SMAD1: variants seen among roughly 807,000 people sequenced by gnomAD.
SMAD1 encodes the protein MAD, mothers against decapentaplegic homolog 1.
Under a neutral mutation model 41.6 loss-of-function variants are expected in SMAD1, and 6 were observed. That is an observed-to-expected ratio of 0.14 (90% CI 0.08 to 0.28). The LOEUF (loss-of-function observed/expected upper bound fraction) is 0.28. SMAD1 is among the 10% of genes least tolerant of loss of function. The pLI is 1.00. For synonymous variants in SMAD1, 206 were observed against 203.2 expected, an observed-to-expected ratio of 1.01 and a Z score of -0.12; for missense variants, 379 against 582.6, an observed-to-expected ratio of 0.65 and a Z score of 3.60.
Position 145,484,505 on chromosome 4 carries a change from T to G in SMAD1, c.-177+2467T>G, listed in dbSNP as rs373249395. The G allele has an allele frequency of 3.9e-5, 6 of 152,138 alleles. No homozygotes were observed. The East Asian group carries it at 9.7e-4, about 25-fold the overall frequency. 9.4% of individuals were successfully genotyped at this position (152,138 alleles called of 1,614,324 possible). A position where few individuals can be genotyped will look rare whatever the true frequency, so the allele number is the denominator to read the frequency against. On this transcript the variant is annotated intron_variant, in intron 1 of 6. Transcript: ENST00000302085. The stretch of plus-strand genomic sequence containing the variant: ...TATTACAGGGGTAGCTAAGCAGGAG[T>G]CTGGCGTTATACTTCAGATATGGGT...
chr4:145,508,080 ATTTTT>A (rs35756866), intron 1 of SMAD1, among the ~76,000 whole-genome samples: 1 of 138,446 alleles, frequency 7.2e-6, no homozygotes, highest in Non-Finnish European at 1.6e-5. Context: ...CTTGGTTTAG[ATTTTT>A]TTTTTTTTTT....
intron 2 of SMAD1, among the ~76,000 whole-genome samples, chr4:145,527,674 CTG>C (rs1731100602): frequency 6.6e-6 from 1 of 152,060 alleles, no homozygotes; most frequent in Non-Finnish European, 1.5e-5. Context: ...CTGCTAACCA[CTG>C]TGCTATACTG....
chr4:145,532,721 G>A (rs879380047), intron 2 of SMAD1, among the ~76,000 whole-genome samples: 7 of 152,144 alleles, frequency 4.6e-5, no homozygotes, highest in Non-Finnish European at 8.8e-5. Flanking sequence ...TGGTTCCCCA[G>A]AAAAGTCTAC....
At chr4:145,505,950 T>C (rs988279248) in intron 1 of SMAD1, among the ~76,000 whole-genome samples, 2 of 152,056 alleles carry the variant, frequency 1.3e-5, no homozygotes, top group African/African-American at 4.8e-5. Context: ...TTCAAGTGAT[T>C]CTCTTGCCTC....
chr4:145,541,509 G>C (rs893362389), intron 3 of SMAD1, among the ~76,000 whole-genome samples: 3 of 152,130 alleles, frequency 2.0e-5, no homozygotes, highest in African/African-American at 7.2e-5. Context: ...GCAGAGAAGA[G>C]GCTGAATTAA....
chr4:145,492,957 G>A (rs1379147321), intron 1 of SMAD1, among the ~76,000 whole-genome samples: 3 of 152,180 alleles, frequency 2.0e-5, no homozygotes, highest in Non-Finnish European at 2.9e-5. Flanking sequence ...AGCCTTAAGT[G>A]AGTTCTTACC....
At chr4:145,513,495 G>A (rs1730204559) in intron 1 of SMAD1, 1 of 152,176 alleles carries the variant, frequency 6.6e-6, no homozygotes, top group Admixed American at 6.5e-5. Context: ...ATGTGTCCAT[G>A]TGCTTTATTC....
intron 1 of SMAD1, among the ~76,000 whole-genome samples, chr4:145,512,782 T>C (rs765020719): frequency 6.6e-6 from 1 of 152,240 alleles, no homozygotes; most frequent in Non-Finnish European, 1.5e-5. Context: ...TTTGGTTCAT[T>C]GCATACACTG....
At chr4:145,539,071 G>A (rs768685430) in intron 2 of SMAD1, among the ~76,000 whole-genome samples, 9 of 152,096 alleles carry the variant, frequency 5.9e-5, no homozygotes, top group Admixed American at 6.5e-5. Context: ...TTTGTACCTT[G>A]AGTTTTCAGT....
intron 1 of SMAD1, among the ~76,000 whole-genome samples, chr4:145,508,218 T>A (rs893129505): frequency 6.6e-6 from 1 of 152,076 alleles, no homozygotes; most frequent in Non-Finnish European, 1.5e-5. Context: ...TATGATAAGA[T>A]TCTTCAGTCT....
chr4:145,526,048 G>T (rs1731000597), intron 2 of SMAD1, among the ~76,000 whole-genome samples: 1 of 152,166 alleles, frequency 6.6e-6, no homozygotes, highest in Non-Finnish European at 1.5e-5. Flanking sequence ...GCTTTTCTTA[G>T]TTCTTTATTC....
At chr4:145,553,465 C>T (rs1336072087) in intron 5 of SMAD1, among the ~76,000 whole-genome samples, 1 of 152,136 alleles carries the variant, frequency 6.6e-6, no homozygotes, top group Non-Finnish European at 1.5e-5. Flanking sequence ...TTGATCCCTC[C>T]CATGCACAGT....
chr4:145,486,250 G>A lies in SMAD1; in HGVS notation c.-177+4212G>A, dbSNP rs547152630. 4.7e-4 allele frequency among the ~76,000 whole-genome samples: 71 copies of A among 152,312 alleles called. 1 individual carries two copies. Among genetic ancestry groups the A allele is most frequent in the Non-Finnish European group, 9.3e-4 (63 of 68,016 alleles). ...ATAATTTGAAGAATAAATCTGGCAT[G>A]AAAATAATGCATTTCAAAGCCAAAT... is the stretch of plus-strand genomic sequence containing the variant. On this transcript the variant is annotated intron_variant, in intron 1 of 6. Transcript: ENST00000302085.
intron 2 of SMAD1, among the ~76,000 whole-genome samples, chr4:145,527,492 G>A (rs1474194436): frequency 6.6e-6 from 1 of 152,036 alleles, no homozygotes; most frequent in African/African-American, 2.4e-5. Flanking sequence ...CAAAGTGCTG[G>A]GATTACAGGC....
intron 2 of SMAD1, among the ~76,000 whole-genome samples, chr4:145,526,957 G>C (rs1339842168): frequency 2.6e-5 from 4 of 152,060 alleles, no homozygotes; most frequent in Non-Finnish European, 4.4e-5. Flanking sequence ...TCAGGTTGAG[G>C]ATAAAGTTAA....
intron 5 of SMAD1, 95 bp from the exon 6 acceptor site, chr4:145,553,689 C>A: frequency 8.8e-7 from 1 of 1,131,874 alleles, no homozygotes; most frequent in Non-Finnish European, 1.3e-6. Context: ...AAGTTTAAAT[C>A]CATGTATATT....
At chr4:145,555,692 G>GTTA (rs1265091951) in intron 6 of SMAD1, among the ~76,000 whole-genome samples, 2 of 151,292 alleles carry the variant, frequency 1.3e-5, no homozygotes, top group Non-Finnish European at 3.0e-5. Flanking sequence ...ACTAATAAAA[G>GTTA]GTATTTATAA....
chr4:145,550,090 TTAG>T (rs1443621569), intron 5 of SMAD1, among the ~76,000 whole-genome samples: 2 of 148,646 alleles, frequency 1.3e-5, no homozygotes, highest in African/African-American at 2.6e-5. Flanking sequence ...CCAGATGCCC[TTAG>T]TAGTGTACTC....
chr4:145,546,849 C>T lies in SMAD1; in HGVS notation c.922C>T (p.Arg308Cys). ...CACTGATCCTTCCAACAATAAGAACCGTTTCTGCCTTGGGCTGCTCTCCAA... is the reference window on the plus strand; with the variant it reads ...CACTGATCCTTCCAACAATAAGAACTGTTTCTGCCTTGGGCTGCTCTCCAA... The part of the protein sequence containing the change: ...GFTDPSNNKN[R>C]FCLGLLSNVN... Residue 308 changes from arginine to cysteine, a missense_variant, in exon 5 of 7, where the codon CGT (arginine) becomes TGT (cysteine). Physicochemically the swap from Arg to Cys is radical, Grantham distance 180. This residue lies in a region of SMAD1 where 107 missense variants were observed against 218.3 expected (regional missense o/e 0.49). Coordinates refer to ENST00000302085, the MANE Select transcript of SMAD1 (RefSeq NM_005900.3). 10 of 1,614,170 alleles carry T rather than the reference C, an allele frequency of 6.2e-6. No individual in the cohort carries two copies. The highest frequency in any genetic ancestry group is 8.5e-6 in the Non-Finnish European group (10 of 1,180,012).
Sources: allele counts gnomAD v4.1 joint callset (sites outside exome capture counted in the v4.1 genomes callset), GRCh38; gene constraint gnomAD v4.1.1; regional missense constraint gnomAD v4.1.1; transcripts MANE v1.5; gene names NCBI Gene and HGNC (gene_info 2026-07-23, HGNC 2026-07-21).